SRRM4: variants seen among roughly 807,000 people sequenced by gnomAD.
SRRM4 encodes serine/arginine repetitive matrix protein 4.
SRRM4 carries 33 observed loss-of-function variants against 68.9 expected under a neutral mutation model. The observed-to-expected ratio is 0.48, with a 90% CI of 0.36 to 0.64. The LOEUF is 0.64. Ranked by LOEUF, SRRM4 falls within the 30% of genes least tolerant of loss-of-function variation. The probability of loss-of-function intolerance (pLI) is 0.00; values close to 1 mark genes in which losing one functional copy is unlikely to be tolerated. For missense variants in SRRM4, 817 were observed against 827.1 expected, an observed-to-expected ratio of 0.99 and a Z score of 0.15; for synonymous variants, 318 against 318.8, an observed-to-expected ratio of 1.00 and a Z score of 0.03.
intron 1 of SRRM4, among the ~76,000 whole-genome samples, chr12:119,072,067 C>T (rs565439830): frequency 2.6e-4 from 40 of 152,342 alleles, no homozygotes; most frequent in Non-Finnish European, 4.7e-4. Context: ...TCAGTTTCTT[C>T]ATCTGTGTAA....
At chr12:119,061,261 G>A (rs1331586822) in intron 1 of SRRM4, among the ~76,000 whole-genome samples, 1 of 152,130 alleles carries the variant, frequency 6.6e-6, no homozygotes, top group African/African-American at 2.4e-5. Context: ...TTGTTCCAAC[G>A]GTGGGGGCAG....
intron 1 of SRRM4, among the ~76,000 whole-genome samples, chr12:119,018,142 A>G (rs1268959532): frequency 6.6e-6 from 1 of 152,232 alleles, no homozygotes; most frequent in Non-Finnish European, 1.5e-5. Context: ...AAAGCTTTAC[A>G]TTGAAAGTCA....
chr12:119,130,098 T>A (rs1467092850), intron 7 of SRRM4, among the ~76,000 whole-genome samples: 2 of 151,582 alleles, frequency 1.3e-5, no homozygotes, highest in African/African-American at 4.9e-5. Flanking sequence ...GATGGACGGA[T>A]GAATAGATGA....
chr12:118,982,679 GTTTTTTTTTT>G (rs370087102), intron 1 of SRRM4, among the ~76,000 whole-genome samples: 5 of 102,140 alleles, frequency 4.9e-5, no homozygotes, highest in Non-Finnish European at 1.1e-4. Flanking sequence ...GTTTTTTTTT[GTTTTTTTTTT>G]TTTTTTCCAA....
intron 3 of SRRM4, among the ~76,000 whole-genome samples, chr12:119,115,058 T>G (rs974998150): frequency 6.6e-6 from 1 of 151,784 alleles, no homozygotes; most frequent in African/African-American, 2.4e-5. Context: ...CATTATCTCT[T>G]TTATCCCTGA....
intron 1 of SRRM4, among the ~76,000 whole-genome samples, chr12:119,053,508 CCTT>C (rs1470974789): frequency 2.0e-5 from 3 of 152,132 alleles, no homozygotes; most frequent in Non-Finnish European, 4.4e-5. Context: ...CACTGTGTTG[CCTT>C]GAGAAAGGTT....
chr12:119,131,991 G>A (rs1461658833), intron 8 of SRRM4, among the ~76,000 whole-genome samples: 1 of 152,186 alleles, frequency 6.6e-6, no homozygotes, highest in Non-Finnish European at 1.5e-5. Flanking sequence ...GTTGGGCCTG[G>A]TTGACACAAT....
At chr12:119,027,999 G>A (rs557044937) in intron 1 of SRRM4, among the ~76,000 whole-genome samples, 1 of 152,366 alleles carries the variant, frequency 6.6e-6, no homozygotes, top group Admixed American at 6.5e-5. Flanking sequence ...CAGGTGCTTT[G>A]CACGTGTTGT....
In SRRM4 at chr12:119,158,270, C is replaced by T. The variant is rs186608634; in HGVS notation, c.*1472C>T. 1.6e-3 allele frequency: 238 copies of T among 152,924 alleles called. 3 individuals carry two copies. In the East Asian group the frequency reaches 0.041, roughly 26 times the overall value. 9.5% of individuals were successfully genotyped at this position (152,924 alleles called of 1,614,324 possible). ...GTGGCAACAGCAGCAGGACAGGGCA[C>T]GGAGGGAGCGAGGGAGAGAGGACCG... On this transcript the variant is annotated 3_prime_UTR_variant, in exon 13 of 13. Coordinates refer to ENST00000267260, the MANE Select transcript of SRRM4 (RefSeq NM_194286.4).
At chr12:119,099,114 T>C (rs1261060800) in intron 1 of SRRM4, among the ~76,000 whole-genome samples, 1 of 151,280 alleles carries the variant, frequency 6.6e-6, no homozygotes, top group African/African-American at 2.4e-5. Flanking sequence ...AGCCCTTGCT[T>C]GCTGTTCCTT....
intron 2 of SRRM4, among the ~76,000 whole-genome samples, chr12:119,113,482 TAA>T (rs1181463321): frequency 2.6e-5 from 4 of 152,184 alleles, no homozygotes; most frequent in Non-Finnish European, 5.9e-5. Context: ...TCCCAATATA[TAA>T]AAAAACTTGG....
intron 1 of SRRM4, among the ~76,000 whole-genome samples, chr12:119,046,818 C>G (rs1953710599): frequency 6.6e-6 from 1 of 152,096 alleles, no homozygotes; most frequent in Non-Finnish European, 1.5e-5. Flanking sequence ...GGAAGCAGCA[C>G]AGTCTGGAAC....
intron 8 of SRRM4, among the ~76,000 whole-genome samples, chr12:119,140,661 G>A (rs1443524842): frequency 6.6e-6 from 1 of 152,242 alleles, no homozygotes; most frequent in Admixed American, 6.5e-5. Flanking sequence ...GTAGCAGAGA[G>A]TGGAATAAGA....
chr12:119,119,181 T>C (rs1954202168), intron 4 of SRRM4, among the ~76,000 whole-genome samples: 1 of 151,826 alleles, frequency 6.6e-6, no homozygotes, highest in Admixed American at 6.6e-5. Flanking sequence ...CAAACCACCA[T>C]GGCACACATT....
chr12:119,156,657 C>G lies in SRRM4; in HGVS notation c.1695C>G (p.Arg565=). The G allele has an allele frequency of 6.3e-7, 1 of 1,576,636 alleles. No homozygotes were observed. The highest frequency in any genetic ancestry group is 8.6e-7 in the Non-Finnish European group (1 of 1,162,824). Residue 565 remains arginine (R), a synonymous_variant, in exon 13 of 13, where the codon CGC becomes CGG. Coordinates refer to ENST00000267260, the MANE Select transcript of SRRM4 (RefSeq NM_194286.4). The stretch of plus-strand genomic sequence containing the variant: ...GGAGCCGGAGACGGAGCCGGACCCG[C>G]ACGAGCAGCAGCTCTAGCTCCCGCA... ...RSRSRRRSRT[R]TSSSSSSRSP...
At chr12:119,002,997 TA>T (rs1347143380) in intron 1 of SRRM4, among the ~76,000 whole-genome samples, 2 of 151,270 alleles carry the variant, frequency 1.3e-5, no homozygotes, top group African/African-American at 4.8e-5. Flanking sequence ...ATCCTTATTT[TA>T]CAGTTGAGAA....
intron 3 of SRRM4, among the ~76,000 whole-genome samples, chr12:119,116,503 A>G (rs747061891): frequency 6.6e-6 from 1 of 152,156 alleles, no homozygotes; most frequent in Non-Finnish European, 1.5e-5. Flanking sequence ...TTGACCAGGC[A>G]GGCAGCTGTG....
chr12:119,065,414 A>T (rs533644772), intron 1 of SRRM4, among the ~76,000 whole-genome samples: 2 of 152,182 alleles, frequency 1.3e-5, no homozygotes, highest in Admixed American at 1.3e-4. Flanking sequence ...GACCTAACAC[A>T]GTTGACAGCC....
chr12:119,146,635 T>G (rs1954403978), intron 9 of SRRM4, among the ~76,000 whole-genome samples: 1 of 150,110 alleles, frequency 6.7e-6, no homozygotes, highest in Non-Finnish European at 1.5e-5. Context: ...TAATTGTAAG[T>G]CATTTAAGAA....
Sources: allele counts gnomAD v4.1 joint callset (sites outside exome capture counted in the v4.1 genomes callset), GRCh38; gene constraint gnomAD v4.1.1; transcripts MANE v1.5; gene names NCBI Gene and HGNC (gene_info 2026-07-23, HGNC 2026-07-21).